Variants in ZFYVE9 observed in about 807,000 individuals in gnomAD.
The protein encoded by ZFYVE9 is zinc finger FYVE-type containing 9, also known as zinc finger FYVE domain-containing protein 9.
A neutral mutation model predicts 126.7 loss-of-function variants in ZFYVE9; 43 were observed. That is an observed-to-expected ratio of 0.34 (90% CI 0.27 to 0.44). The LOEUF is 0.44. Among genes scored for constraint, ZFYVE9 ranks in the 20% least tolerant of loss-of-function variants. The pLI, the probability that ZFYVE9 is intolerant of heterozygous loss-of-function variation, is 1.00. For missense variants in ZFYVE9, 1,476 were observed against 1,697.0 expected, an observed-to-expected ratio of 0.87 and a Z score of 2.29; for synonymous variants, 521 against 597.4, an observed-to-expected ratio of 0.87 and a Z score of 1.87.
chr1:52,152,889 G>A (rs1429447244), intron 1 of ZFYVE9, among the ~76,000 whole-genome samples: 1 of 152,224 alleles, frequency 6.6e-6, no homozygotes, highest in Non-Finnish European at 1.5e-5. Flanking sequence ...AGGTTTTATG[G>A]GATGGAATGC....
chr1:52,302,817 GTTA>G (rs1646047914), intron 12 of ZFYVE9, among the ~76,000 whole-genome samples: 1 of 151,512 alleles, frequency 6.6e-6, no homozygotes, highest in Non-Finnish European at 1.5e-5. Context: ...TTTTTAAACT[GTTA>G]ACATCCTGGC....
intron 10 of ZFYVE9, among the ~76,000 whole-genome samples, chr1:52,289,353 A>G (rs1401364558): frequency 6.6e-6 from 1 of 152,176 alleles, no homozygotes; most frequent in Non-Finnish European, 1.5e-5. Flanking sequence ...TTTCAGGGAA[A>G]TGGTACCGTT....
intron 1 of ZFYVE9, among the ~76,000 whole-genome samples, chr1:52,202,664 TA>T (rs201281030): frequency 0.018 from 2,676 of 151,886 alleles, 42 homozygotes; most frequent in Non-Finnish European, 0.027. Context: ...GCAATTTTTT[TA>T]AAAAAAATTA....
intron 1 of ZFYVE9, among the ~76,000 whole-genome samples, chr1:52,150,977 G>A (rs1644351211): frequency 6.6e-6 from 1 of 150,764 alleles, no homozygotes; most frequent in African/African-American, 2.4e-5. Context: ...TTGTGATTCT[G>A]GTGATAATTG....
In ZFYVE9 at chr1:52,238,843, A is replaced by C; in HGVS notation, c.1426A>C (p.Asn476His). Reference protein sequence around the residue: ...IDTPAANYLSNGCDSYGMQDP... With the variant: ...IDTPAANYLSHGCDSYGMQDP... The stretch of plus-strand genomic sequence containing the variant: ...CACACCAGCAGCAAATTATCTATCT[A>C]ATGGTTGTGATTCCTATGGAATGCA... The change falls in exon 4 of 19, where the codon AAT becomes CAT. Residue 476 changes from asparagine to histidine, a missense_variant. Physicochemically the swap from Asn to His is moderately conservative, Grantham distance 68. Transcript: ENST00000287727. 6.2e-7 allele frequency: 1 copy of C among 1,614,120 alleles called. No individual in the cohort carries two copies. The highest frequency in any genetic ancestry group is 8.5e-7 in the Non-Finnish European group (1 of 1,179,988).
At chr1:52,218,280 C>T (rs1410880143) in intron 2 of ZFYVE9, among the ~76,000 whole-genome samples, 1 of 152,200 alleles carries the variant, frequency 6.6e-6, no homozygotes, top group Non-Finnish European at 1.5e-5. Flanking sequence ...TACCACCATA[C>T]ATCCTCTCGG....
chr1:52,334,829 C>T (rs1569778768), intron 15 of ZFYVE9, 61 bp downstream of exon 15: 3 of 1,512,822 alleles, frequency 2.0e-6, no homozygotes, highest in East Asian at 2.3e-5. Context: ...TAAAGGGAAT[C>T]CTTTACACTT....
intron 2 of ZFYVE9, among the ~76,000 whole-genome samples, chr1:52,229,313 T>C (rs1277000414): frequency 6.6e-6 from 1 of 152,224 alleles, no homozygotes; most frequent in Non-Finnish European, 1.5e-5. Flanking sequence ...TTGCATCATA[T>C]TGGAAAGTGC....
At chr1:52,184,028 A>G (rs1211919352) in intron 1 of ZFYVE9, among the ~76,000 whole-genome samples, 1 of 151,060 alleles carries the variant, frequency 6.6e-6, no homozygotes, top group Non-Finnish European at 1.5e-5. Flanking sequence ...TTTTTAAAAG[A>G]CACAGTAAGG....
intron 1 of ZFYVE9, among the ~76,000 whole-genome samples, chr1:52,184,222 GATAT>G (rs375204928): frequency 2.2e-5 from 3 of 139,256 alleles, no homozygotes; most frequent in Non-Finnish European, 4.6e-5. Flanking sequence ...TATATATATA[GATAT>G]ATATATATAT....
intron 8 of ZFYVE9, 41 bp from the exon 9 acceptor site, chr1:52,278,451 T>C (rs374993417): frequency 5.0e-6 from 8 of 1,611,614 alleles, no homozygotes; most frequent in Non-Finnish European, 6.8e-6. Context: ...TCTTGATTTG[T>C]TCCTTTAACC....
intron 8 of ZFYVE9, among the ~76,000 whole-genome samples, chr1:52,275,994 G>A (rs902127928): frequency 2.2e-4 from 30 of 137,376 alleles, no homozygotes; most frequent in African/African-American, 4.2e-4. Flanking sequence ...CACAACCTCC[G>A]CCTCCCGGGT....
intron 13 of ZFYVE9, 62 bp downstream of exon 13, chr1:52,303,987 C>T: frequency 2.8e-6 from 3 of 1,088,980 alleles, no homozygotes; most frequent in Non-Finnish European, 3.9e-6. Context: ...GTGAAAAATG[C>T]ATGATTATAT....
intron 5 of ZFYVE9, among the ~76,000 whole-genome samples, 189 bp from the exon 6 acceptor site, chr1:52,266,466 G>A (rs1226429976): frequency 1.4e-5 from 2 of 139,474 alleles, no homozygotes; most frequent in Non-Finnish European, 3.1e-5. Flanking sequence ...CAACCAAATA[G>A]TTTACTTGGC....
intron 6 of ZFYVE9, among the ~76,000 whole-genome samples, chr1:52,267,392 C>A (rs1322243032): frequency 6.6e-6 from 1 of 152,136 alleles, no homozygotes; most frequent in Non-Finnish European, 1.5e-5. Context: ...GCTCAACTTA[C>A]ATTGGTTTAT....
At chr1:52,248,241 G>A (rs1176131922) in intron 4 of ZFYVE9, among the ~76,000 whole-genome samples, 1 of 152,142 alleles carries the variant, frequency 6.6e-6, no homozygotes, top group Non-Finnish European at 1.5e-5. Context: ...CCCCCAGAAG[G>A]CTGCTAGTGC....
chr1:52,144,725 C>T (rs1644292667), intron 1 of ZFYVE9, among the ~76,000 whole-genome samples: 1 of 151,364 alleles, frequency 6.6e-6, no homozygotes. Flanking sequence ...TTTTGAGGGA[C>T]AGCTGATCCA....
chr1:52,342,415 G>A (rs1332836053), intron 17 of ZFYVE9, among the ~76,000 whole-genome samples: 2 of 151,422 alleles, frequency 1.3e-5, no homozygotes, highest in Non-Finnish European at 2.9e-5. Flanking sequence ...ACAGGCGCCC[G>A]CTACCACGCC....
intron 1 of ZFYVE9, among the ~76,000 whole-genome samples, chr1:52,170,037 A>G (rs1182239777): frequency 6.6e-6 from 1 of 152,210 alleles, no homozygotes; most frequent in Non-Finnish European, 1.5e-5. Context: ...GAAGATTTTG[A>G]AAAATTTTAT....
Sources: gnomAD v4.1 joint callset for allele counts (sites outside exome capture counted in the v4.1 genomes callset) on GRCh38, gnomAD v4.1.1 for gene constraint, MANE v1.5 for transcripts, NCBI Gene and HGNC (gene_info 2026-07-23, HGNC 2026-07-21) for gene names.